Variants in VAV2 observed in about 807,000 individuals in gnomAD.
VAV2 encodes guanine nucleotide exchange factor VAV2.
VAV2 carries 67 observed loss-of-function variants against 132.5 expected under a neutral mutation model. The ratio of observed to expected loss-of-function variants is 0.51; its 90% confidence interval spans 0.42 to 0.62. The LOEUF (loss-of-function observed/expected upper bound fraction) is 0.62, where lower values mean the gene tolerates loss of function less well. VAV2 is among the 20% of genes least tolerant of loss of function. The pLI is 0.00. For synonymous variants in VAV2, 492 were observed against 443.5 expected (o/e 1.11, Z -1.37); for missense variants, 938 against 1,153.6 (o/e 0.81, Z 2.71).
At chr9:133,791,261 A>G (rs10761399) in intron 13 of VAV2, among the ~76,000 whole-genome samples, 75,194 of 151,900 alleles carry the variant, frequency 0.5, 18,780 homozygotes, top group South Asian at 0.56. Flanking sequence ...GCAGGGCCAG[A>G]CTCTGGGGAG....
At position 133,910,881 on chromosome 9, in the gene VAV2, G is replaced by T. The variant is rs971166350; in HGVS notation, c.321+28222C>A. ...TGGGGACAGAAATGCAGTCAGAGTT[G>T]TCTGCACTGGTACAGAGGCGGGCAC... is the stretch of plus-strand genomic sequence containing the variant. On this transcript the variant is annotated intron_variant, in intron 2 of 29. Transcript: ENST00000371850. Among the ~76,000 whole-genome samples the T allele has an allele frequency of 2.6e-5, 4 of 151,468 alleles. No individual in the cohort carries two copies. In the South Asian group the frequency reaches 8.4e-4, roughly 32 times the overall value.
intron 2 of VAV2, among the ~76,000 whole-genome samples, chr9:133,915,458 G>GA (rs1252738569): frequency 2.0e-5 from 3 of 152,290 alleles, no homozygotes; most frequent in African/African-American, 7.2e-5. Context: ...AGTCTCTACT[G>GA]AAAAAAATGC....
rs541897689 is a variant in VAV2 at position 133,939,806 on chromosome 9, C to A, written c.205-587G>T. Among the ~76,000 whole-genome samples, 21 of 152,356 alleles carry A rather than the reference C, an allele frequency of 1.4e-4. No individual in the cohort carries two copies. In the South Asian group the frequency reaches 4.1e-3, roughly 30 times the overall value. On this transcript the variant is annotated intron_variant, in intron 1 of 29. Transcript: ENST00000371850. Reference sequence around the variant, plus strand: ...ACAAAGCCAACAGCCAGGGGCCACCCCCAAGAAGCCACGGAGGACCCAGAG... The same window carrying A: ...ACAAAGCCAACAGCCAGGGGCCACCACCAAGAAGCCACGGAGGACCCAGAG...
rs1835864239 is a variant in VAV2 at position 133,823,273 on chromosome 9, T to G, written c.449+10999A>C. ...AAGCAGGAAGACAAGGGAAAGTTGG[T>G]GGCAGAGACTGTCCTGCTGTCCTTT... On this transcript the variant is annotated intron_variant, in intron 4 of 29. Coordinates refer to ENST00000371850, the MANE Select transcript of VAV2 (RefSeq NM_001134398.2). The surrounding 1 kb of genome is among the most constrained non-coding windows in gnomAD (Gnocchi z 5.5). 6.6e-6 allele frequency among the ~76,000 whole-genome samples: 1 copy of G among 152,210 alleles called. No homozygotes were observed. The highest frequency in any genetic ancestry group is 2.4e-5 in the African/African-American group (1 of 41,448).
rs2260095 is a variant in VAV2, at chr9:133,840,834, G to A, written c.381-6494C>T. Among the ~76,000 whole-genome samples the A allele has an allele frequency of 0.23, 34,247 of 152,082 alleles. 4,971 individuals carry two copies. Among genetic ancestry groups the A allele is most frequent in the African/African-American group, 0.42 (17,476 of 41,444 alleles). On this transcript the variant is annotated intron_variant, in intron 3 of 29. Coordinates refer to ENST00000371850, the MANE Select transcript of VAV2 (RefSeq NM_001134398.2). The surrounding 1 kb of genome is among the most constrained non-coding windows in gnomAD (Gnocchi z 4.5). ...CTGCTAGAAACGATGGCGTCTGCAG[G>A]GCACCACCTGTGCCACTCACTGTGC...
At position 133,933,556 on chromosome 9, in the gene VAV2, T is replaced by C. The variant is rs572293263; in HGVS notation, c.321+5547A>G. Among the ~76,000 whole-genome samples, 198 of 146,820 alleles carry C rather than the reference T, an allele frequency of 1.3e-3. 7 individuals are homozygous for C. In the South Asian group the frequency reaches 0.042, roughly 31 times the overall value. The stretch of plus-strand genomic sequence containing the variant: ...ATGGATGAGTGGATGGATGGATGGA[T>C]GGTGGATGGATGGATGGATGGTGGA... On this transcript the variant is annotated intron_variant, in intron 2 of 29. Transcript: ENST00000371850.
intron 1 of VAV2, among the ~76,000 whole-genome samples, chr9:133,947,275 C>T (rs1457732438): frequency 6.6e-6 from 1 of 152,212 alleles, no homozygotes; most frequent in Non-Finnish European, 1.5e-5. Context: ...CACAACTCTA[C>T]ACACCACCCC....
chr9:133,876,419 T>A (rs1486984405), intron 2 of VAV2, among the ~76,000 whole-genome samples: 1 of 152,094 alleles, frequency 6.6e-6, no homozygotes, highest in South Asian at 2.1e-4. Flanking sequence ...ACTATTCCCC[T>A]AAGGAAGGCA....
chr9:133,817,387 G>A (rs57196579), intron 4 of VAV2, among the ~76,000 whole-genome samples: 5,688 of 152,150 alleles, frequency 0.037, 361 homozygotes, highest in African/African-American at 0.13. Flanking sequence ...GCGTGGTGGC[G>A]CACGCCTGTA....
At chr9:133,855,026 T>C (rs998750185) in intron 3 of VAV2, among the ~76,000 whole-genome samples, 1 of 151,772 alleles carries the variant, frequency 6.6e-6, no homozygotes, top group Non-Finnish European at 1.5e-5. Context: ...CAACACCAGA[T>C]GGGAAAAGGG....
At chr9:133,803,821 G>A (rs1216562718) in intron 9 of VAV2, among the ~76,000 whole-genome samples, 2 of 152,092 alleles carry the variant, frequency 1.3e-5, no homozygotes, top group East Asian at 1.9e-4. Flanking sequence ...CCTTTGGCCT[G>A]GAAGCCCCTG....
At chr9:133,964,965 T>C (rs527470439) in intron 1 of VAV2, among the ~76,000 whole-genome samples, 2 of 152,238 alleles carry the variant, frequency 1.3e-5, no homozygotes, top group East Asian at 3.9e-4. Flanking sequence ...CTAGAAGTGC[T>C]AGCCAGACCA....
Position 133,764,035 on chromosome 9 carries a change from C to T in VAV2, c.*27G>A. On this transcript the variant is annotated 3_prime_UTR_variant, in exon 30 of 30. Transcript: ENST00000371850. The stretch of plus-strand genomic sequence containing the variant: ...GCTGGAGTGACTCTCCCAAGAAAAT[C>T]TGCGAGTCTTGTCCACGTTCCTGCC... 1 of 1,613,908 alleles carries T rather than the reference C, an allele frequency of 6.2e-7. No individual in the cohort carries two copies. The highest frequency in any genetic ancestry group is 2.2e-5 in the East Asian group (1 of 44,886).
rs144160596 is a variant in VAV2 at position 133,772,037 on chromosome 9, A to G, written c.2145T>C (p.Asp715=). Residue 715 remains aspartate, a synonymous_variant, in exon 26 of 30, where the codon GAT becomes GAC. Transcript: ENST00000371850. ...ERFAISIKFN[D]EVKHIKVVEK... is the part of the protein sequence containing the mutation. Reference sequence around the variant, plus strand: ...CCACCACCTTGATGTGCTTCACCTCATCATTGAACCTGAGCAAACACACGG... The same window carrying G: ...CCACCACCTTGATGTGCTTCACCTCGTCATTGAACCTGAGCAAACACACGG... 403 of 1,206,838 alleles carry G rather than the reference A, an allele frequency of 3.3e-4. 2 individuals carry two copies. The African/African-American group carries it at 6.6e-3, about 20-fold the overall frequency. The allele number at this position is 1,206,838 out of a possible 1,614,324, so 74.8% of individuals were successfully genotyped here. A position where few individuals can be genotyped will look rare whatever the true frequency, so the allele number is the denominator to read the frequency against.
intron 2 of VAV2, among the ~76,000 whole-genome samples, chr9:133,937,493 A>AGTGG (rs1564480713): frequency 6.7e-6 from 1 of 149,038 alleles, no homozygotes; most frequent in Non-Finnish European, 1.5e-5. Flanking sequence ...TGGGTGCAAG[A>AGTGG]GTGTGTGCGT....
intron 2 of VAV2, among the ~76,000 whole-genome samples, chr9:133,904,152 C>T (rs1221867105): frequency 6.6e-6 from 1 of 152,196 alleles, no homozygotes; most frequent in Non-Finnish European, 1.5e-5. Flanking sequence ...GGGCTCCAGC[C>T]CGTGTCCTGG....
intron 3 of VAV2, among the ~76,000 whole-genome samples, chr9:133,850,499 T>C (rs1016199608): frequency 9.2e-5 from 14 of 152,076 alleles, no homozygotes; most frequent in African/African-American, 3.4e-4. Flanking sequence ...AACAAACAAA[T>C]AAAGAAACAA....
intron 10 of VAV2, among the ~76,000 whole-genome samples, chr9:133,797,123 C>G (rs1284769020): frequency 2.0e-5 from 3 of 151,476 alleles, no homozygotes; most frequent in African/African-American, 7.4e-5. Context: ...CCAGATGGAG[C>G]CTGGAAACTC....
chr9:133,870,108 G>C (rs1837969693), intron 2 of VAV2, among the ~76,000 whole-genome samples: 1 of 152,022 alleles, frequency 6.6e-6, no homozygotes, highest in African/African-American at 2.4e-5. Context: ...CAAAACATGT[G>C]CAATCACAGC....
Sources: allele counts gnomAD v4.1 joint callset (sites outside exome capture counted in the v4.1 genomes callset), GRCh38; gene constraint gnomAD v4.1.1; non-coding constraint Gnocchi (gnomAD v3.1); transcripts MANE v1.5; gene names NCBI Gene and HGNC (gene_info 2026-07-23, HGNC 2026-07-21).